The following PDXDC1 variants were observed in gnomAD, a reference collection of about 807,000 sequenced individuals.
PDXDC1 encodes pyridoxal dependent decarboxylase domain containing 1.
PDXDC1 carries 42 observed loss-of-function variants against 100.1 expected under a neutral mutation model. That is an observed-to-expected ratio of 0.42 (90% CI 0.33 to 0.54). The LOEUF (loss-of-function observed/expected upper bound fraction) is 0.54, where lower values mean the gene tolerates loss of function less well. PDXDC1 is among the 20% of genes least tolerant of loss of function. PDXDC1 has a pLI of 0.10. For missense variants in PDXDC1, 636 were observed against 979.2 expected (o/e 0.65, Z 4.68); for synonymous variants, 260 against 371.7 (o/e 0.70, Z 3.46).
chr16:15,103,507 T>C (rs1200174807), intron 16 of PDXDC1, among the ~76,000 whole-genome samples: 1 of 151,996 alleles, frequency 6.6e-6, no homozygotes, highest in Non-Finnish European at 1.5e-5. Flanking sequence ...GTGATATTTA[T>C]TTTATTTATT....
At chr16:15,092,118 G>A (rs2046156231) in intron 16 of PDXDC1, among the ~76,000 whole-genome samples, 1 of 152,206 alleles carries the variant, frequency 6.6e-6, no homozygotes, top group Non-Finnish European at 1.5e-5. Context: ...GGTGGAGGAT[G>A]CAGTGAGCCG....
intron 16 of PDXDC1, chr16:15,132,577 G>C (rs971373100): frequency 1.5e-6 from 1 of 679,936 alleles, no homozygotes; most frequent in Non-Finnish European, 2.6e-6. Context: ...ACTGAAGCAG[G>C]TCAGAGACCG....
intron 16 of PDXDC1, among the ~76,000 whole-genome samples, chr16:15,048,765 A>C (rs572056402): frequency 8.0e-4 from 122 of 152,258 alleles, no homozygotes; most frequent in African/African-American, 2.7e-3. Context: ...CTGGGACTAC[A>C]GGCTTGCACC....
chr16:15,130,005 C>T, intron 16 of PDXDC1: 1 of 914,158 alleles, frequency 1.1e-6, no homozygotes. Context: ...AGGATGGCGG[C>T]CATGACCATG....
At chr16:15,069,519 T>C (rs1696364141) in intron 16 of PDXDC1, among the ~76,000 whole-genome samples, 2 of 152,228 alleles carry the variant, frequency 1.3e-5, no homozygotes, top group African/African-American at 4.8e-5. Flanking sequence ...TCTTAGAAAT[T>C]AGCAAAACAA....
chr16:15,131,249 C>T (rs773415078), intron 16 of PDXDC1: 22 of 1,592,236 alleles, frequency 1.4e-5, no homozygotes, highest in South Asian at 5.5e-5. Flanking sequence ...GGCACCTTCA[C>T]GGTGATGGCG....
At chr16:15,054,750 C>T (rs1037676854) in intron 16 of PDXDC1, among the ~76,000 whole-genome samples, 3 of 152,108 alleles carry the variant, frequency 2.0e-5, no homozygotes, top group Admixed American at 6.6e-5. Flanking sequence ...TGCCAGGGAC[C>T]GTCCTACACT....
In PDXDC1 at chr16:15,034,447, T is replaced by C; in HGVS notation, c.1906-10T>C. ...GCCAGGTGGCCCTGAACTCTGGTCC[T>C]GTCTTGCAGGGGGTGTTGCGGCAGA... On this transcript the variant is annotated splice_polypyrimidine_tract_variant and intron_variant, in intron 20 of 22. Transcript: ENST00000396410. 6.2e-7 allele frequency: 1 copy of C among 1,613,982 alleles called. No individual in the cohort carries two copies. Among genetic ancestry groups the C allele is most frequent in the Non-Finnish European group, 8.5e-7 (1 of 1,179,910 alleles).
chr16:15,140,137 G>C (rs569035919), downstream of PDXDC1, among the ~76,000 whole-genome samples: 10 of 147,406 alleles, frequency 6.8e-5, no homozygotes, highest in East Asian at 2.0e-3. Flanking sequence ...AGGGAGGAGA[G>C]AGAGAAGAAA....
At chr16:15,085,654 C>G (rs2045888335) in intron 16 of PDXDC1, 3 of 1,613,442 alleles carry the variant, frequency 1.9e-6, no homozygotes, top group Non-Finnish European at 2.5e-6. Context: ...TCTTCATCAT[C>G]AGAATCTGAA....
At chr16:15,079,165 G>A (rs577977841) in intron 16 of PDXDC1, among the ~76,000 whole-genome samples, 45 of 82,664 alleles carry the variant, frequency 5.4e-4, no homozygotes, top group African/African-American at 1.3e-3. Context: ...AATTCCACAG[G>A]GAGCAAAGTT....
At chr16:15,133,977 C>A in intron 16 of PDXDC1, 4 of 1,330,170 alleles carry the variant, frequency 3.0e-6, no homozygotes, top group South Asian at 1.2e-5. Context: ...CCGCAGCACG[C>A]CCCGCCGCAG....
chr16:15,146,442 C>T, the PDXDC1 span, among the ~76,000 whole-genome samples: 3 of 152,126 alleles, frequency 2.0e-5, no homozygotes, highest in African/African-American at 7.2e-5. Context: ...GGAGTGAGGA[C>T]GATACTCGCG....
intron 16 of PDXDC1, chr16:15,061,975 T>C: frequency 6.9e-7 from 1 of 1,442,690 alleles, no homozygotes; most frequent in Non-Finnish European, 9.6e-7. Flanking sequence ...AATTCCTTCC[T>C]CAGGAAGGTG....
intron 16 of PDXDC1, chr16:15,068,406 A>C (rs2045071884): frequency 8.1e-7 from 1 of 1,238,006 alleles, no homozygotes; most frequent in Non-Finnish European, 1.1e-6. Flanking sequence ...AAATGCTTTA[A>C]ATAAAGGTCC....
chr16:15,126,324 ACCACAC>A (rs2047725124), intron 16 of PDXDC1, among the ~76,000 whole-genome samples: 1 of 106,712 alleles, frequency 9.4e-6, no homozygotes, highest in Non-Finnish European at 2.1e-5. Context: ...GGTGTGAGCC[ACCACAC>A]CCGGCCATCG....
intron 1 of PDXDC1, among the ~76,000 whole-genome samples, chr16:14,976,361 C>G: frequency 6.6e-6 from 1 of 152,288 alleles, no homozygotes. Context: ...AGATTTTGTT[C>G]ACTTGTCACT....
chr16:15,104,853 T>C, intron 16 of PDXDC1: 5 of 1,513,770 alleles, frequency 3.3e-6, no homozygotes, highest in Admixed American at 2.0e-5. Context: ...TTGCTGGTGA[T>C]AGATTTTTGC....
At position 15,083,550 on chromosome 16, in the gene PDXDC1, T is replaced by C. The variant is rs1281263139; in HGVS notation, c.1399+53494T>C. 4.3e-6 allele frequency: 7 copies of C among 1,609,440 alleles called. No individual in the cohort carries two copies. In the Admixed American group the frequency reaches 6.7e-5, roughly 15 times the overall value. On this transcript the variant is annotated intron_variant, in intron 16 of 16. Transcript: ENST00000535621. ...TGATTTTCGAACAAATGGAAATTTT[T>C]CCACCAGTATTGGCATGAGAAACCA... is the stretch of plus-strand genomic sequence containing the variant.
Sources: gnomAD v4.1 joint callset for allele counts (sites outside exome capture counted in the v4.1 genomes callset) on GRCh38, gnomAD v4.1.1 for gene constraint, MANE v1.5 for transcripts, NCBI Gene and HGNC (gene_info 2026-07-23, HGNC 2026-07-21) for gene names.